DCT: variants seen among roughly 807,000 people sequenced by gnomAD.
The protein encoded by DCT is dopachrome tautomerase, also known as L-dopachrome tautomerase.
DCT carries 47 observed loss-of-function variants against 53.0 expected under a neutral mutation model. The ratio of observed to expected loss-of-function variants is 0.89; its 90% CI spans 0.70 to 1.13. The LOEUF (loss-of-function observed/expected upper bound fraction) is 1.13, where lower values mean the gene tolerates loss of function less well. DCT is among the 50% of genes most tolerant of loss of function. DCT has a pLI of 0.00. For synonymous variants in DCT, 244 were observed against 237.0 expected (o/e 1.03, Z -0.27); for missense variants, 669 against 637.4 (o/e 1.05, Z -0.53).
the DCT span, among the ~76,000 whole-genome samples, chr13:94,529,676 C>A: frequency 6.6e-6 from 1 of 152,186 alleles, no homozygotes; most frequent in Non-Finnish European, 1.5e-5. Context: ...TAAATGCCCA[C>A]AAGAGAAAGC....
Position 94,466,551 on chromosome 13 carries a change from G to T in DCT, c.696+7C>A, listed in dbSNP as rs1884234653. 1.3e-6 allele frequency: 2 copies of T among 1,583,282 alleles called. No homozygotes were observed. Among genetic ancestry groups the T allele is most frequent in the South Asian group, 1.2e-5 (1 of 86,022 alleles). On this transcript the variant is annotated splice_region_variant and intron_variant, in intron 3 of 7. Coordinates refer to ENST00000377028, the MANE Select transcript of DCT (RefSeq NM_001922.5). ...TTAAAAGAACTAAATGCATAGTTTTGACCTACCTGGAGATCTCTTTCCAGA... is the reference window on the plus strand; with the variant it reads ...TTAAAAGAACTAAATGCATAGTTTTTACCTACCTGGAGATCTCTTTCCAGA...
the DCT span, among the ~76,000 whole-genome samples, chr13:94,493,297 T>C: frequency 6.6e-6 from 1 of 151,928 alleles, no homozygotes; most frequent in East Asian, 1.9e-4. Context: ...TTATGCTGAG[T>C]GAAAAAAAAC....
chr13:94,511,825 A>AGTGTGTGT, the DCT span, among the ~76,000 whole-genome samples: 23 of 143,780 alleles, frequency 1.6e-4, no homozygotes, highest in South Asian at 6.7e-4. Context: ...CAGCATTGTC[A>AGTGTGTGT]GTGTGTGTGT....
the DCT span, among the ~76,000 whole-genome samples, chr13:94,544,601 A>C: frequency 6.6e-6 from 1 of 152,204 alleles, no homozygotes; most frequent in Admixed American, 6.5e-5. Context: ...ATCCTCCAAG[A>C]TGATCCATTA....
intron 1 of DCT, among the ~76,000 whole-genome samples, chr13:94,472,558 ATATATATATATTTTTTTTTT>A (rs1884791146): frequency 4.1e-5 from 1 of 24,390 alleles, no homozygotes; most frequent in African/African-American, 2.6e-4. Context: ...ATATATATAT[ATATATATATATTTTTTTTTT>A]TTTTTTTTTT....
the DCT span, among the ~76,000 whole-genome samples, chr13:94,540,774 T>C: frequency 6.6e-6 from 1 of 152,194 alleles, no homozygotes; most frequent in East Asian, 1.9e-4. Flanking sequence ...GAATATCATA[T>C]GATCCCGCAA....
intron 5 of DCT, 121 bp from the exon 6 acceptor site, chr13:94,460,347 G>A: frequency 1.2e-6 from 1 of 868,562 alleles, no homozygotes; most frequent in Non-Finnish European, 1.8e-6. Context: ...GGGAAGCTCT[G>A]TCATAGCAAA....
At chr13:94,503,085 A>T in the DCT span, among the ~76,000 whole-genome samples, 1 of 152,184 alleles carries the variant, frequency 6.6e-6, no homozygotes, top group African/African-American at 2.4e-5. Flanking sequence ...AGTCTTTGAA[A>T]ATACAGTTAG....
the DCT span, among the ~76,000 whole-genome samples, chr13:94,502,078 CCAG>C: frequency 1.7e-4 from 6 of 34,320 alleles, no homozygotes; most frequent in East Asian, 1.6e-3. Flanking sequence ...TTCCATAGCC[CCAG>C]CCCCTACTTC....
At chr13:94,448,786 C>T (rs1196170569) in intron 6 of DCT, among the ~76,000 whole-genome samples, 2 of 151,968 alleles carry the variant, frequency 1.3e-5, no homozygotes, top group Non-Finnish European at 2.9e-5. Flanking sequence ...CACCTGTGAT[C>T]CCAGCTATTC....
At chr13:94,531,582 C>T in the DCT span, among the ~76,000 whole-genome samples, 33 of 152,082 alleles carry the variant, frequency 2.2e-4, 1 homozygote, top group African/African-American at 4.8e-4. Context: ...AAAGCTGGCT[C>T]GCCATATGTA....
upstream of DCT, among the ~76,000 whole-genome samples, chr13:94,481,461 A>G (rs1885441579): frequency 6.6e-6 from 1 of 152,154 alleles, no homozygotes; most frequent in African/African-American, 2.4e-5. Context: ...CAGCATTGTG[A>G]CACTTGGGAA....
intron 1 of DCT, among the ~76,000 whole-genome samples, chr13:94,472,547 T>C (rs1174715250): frequency 6.8e-5 from 2 of 29,282 alleles, no homozygotes; most frequent in Admixed American, 4.5e-4. Context: ...TATATATATA[T>C]ATATATATAT....
chr13:94,533,160 T>A, the DCT span, among the ~76,000 whole-genome samples: 9 of 148,716 alleles, frequency 6.1e-5, no homozygotes, highest in South Asian at 1.3e-3. Flanking sequence ...AATTACTGGA[T>A]CATACAGGGA....
chr13:94,479,144 T>C lies in DCT; in HGVS notation c.112A>G (p.Lys38Glu), dbSNP rs1885306349. 1.9e-6 allele frequency: 3 copies of C among 1,614,160 alleles called. No individual in the cohort carries two copies. Among genetic ancestry groups the C allele is most frequent in the East Asian group, 2.2e-5 (1 of 44,858 alleles). The change falls in exon 1 of 8, where the codon AAG becomes GAG. Residue 38 changes from lysine to glutamate, a missense_variant. Coordinates refer to ENST00000377028, the MANE Select transcript of DCT (RefSeq NM_001922.5). ...GCACCCAGGCGTGGGCAGCACTCCT[T>C]GTTCACTAGGCTGTCCACCGTCATG... ...VCMTVDSLVN[K>E]ECCPRLGAES...
At chr13:94,445,834 C>A (rs1427656872) in intron 6 of DCT, 9 of 1,094,838 alleles carry the variant, frequency 8.2e-6, no homozygotes, top group Non-Finnish European at 1.2e-5. Context: ...GAATTGGGAC[C>A]CGCTGCCCCA....
chr13:94,543,850 C>T, the DCT span, among the ~76,000 whole-genome samples: 3 of 152,110 alleles, frequency 2.0e-5, no homozygotes, highest in Non-Finnish European at 4.4e-5. Context: ...GCCTGACCAA[C>T]ATGGTGAAAC....
At chr13:94,541,291 G>C in the DCT span, among the ~76,000 whole-genome samples, 1 of 152,132 alleles carries the variant, frequency 6.6e-6, no homozygotes. Context: ...ATCACCTGAA[G>C]TCAGGAGTTC....
chr13:94,527,420 G>A, the DCT span, among the ~76,000 whole-genome samples: 2 of 152,192 alleles, frequency 1.3e-5, no homozygotes, highest in Admixed American at 6.5e-5. Flanking sequence ...CCCCTGGGAA[G>A]AAGCTTCCAG....
Sources: allele counts gnomAD v4.1 joint callset (sites outside exome capture counted in the v4.1 genomes callset), GRCh38; gene constraint gnomAD v4.1.1; transcripts MANE v1.5; gene names NCBI Gene and HGNC (gene_info 2026-07-23, HGNC 2026-07-21).